The following MYO1B variants were observed in gnomAD, a reference collection of about 807,000 sequenced individuals.
MYO1B encodes unconventional myosin-Ib.
In MYO1B, 72 loss-of-function variants were observed where a neutral mutation model predicts 159.7. The observed-to-expected ratio is 0.45, with a 90% confidence interval of 0.37 to 0.55. MYO1B has a LOEUF of 0.55. Among genes scored for constraint, MYO1B ranks in the 20% least tolerant of loss-of-function variants. MYO1B has a pLI of 0.00. For missense variants in MYO1B, 1,062 were observed against 1,364.8 expected (o/e 0.78, Z 3.50); for synonymous variants, 468 against 473.8 (o/e 0.99, Z 0.16).
In MYO1B at chr2:191,393,137, T is replaced by TG; in HGVS notation, c.2141_2142insG (p.Ile714MetfsTer67). The stretch of plus-strand genomic sequence containing the variant: ...GACTTGGCCACTCTCATTCAGAAGA[T>TG]ATATCGGGGGTGGAAATGCCGCACA... On this transcript the variant is annotated frameshift_variant, in exon 20 of 31. Transcript: ENST00000392318. LOFTEE classifies it high-confidence loss of function. 1 of 1,614,060 alleles carries TG rather than the reference T, an allele frequency of 6.2e-7. No individual in the cohort carries two copies. The highest frequency in any genetic ancestry group is 1.3e-5 in the African/African-American group (1 of 75,016).
chr2:191,263,864 T>C (rs1686964655), intron 1 of MYO1B, among the ~76,000 whole-genome samples: 2 of 152,212 alleles, frequency 1.3e-5, no homozygotes, highest in Admixed American at 1.3e-4. Flanking sequence ...TCAAATTTAG[T>C]TAACATTTAT....
intron 3 of MYO1B, among the ~76,000 whole-genome samples, chr2:191,322,285 C>T (rs774655666): frequency 6.6e-6 from 1 of 152,160 alleles, no homozygotes; most frequent in Non-Finnish European, 1.5e-5. Context: ...TCCAGGCCCT[C>T]AAGACAGATG....
At chr2:191,350,274 ATATATT>A (rs1231418047) in intron 7 of MYO1B, 49 bp downstream of exon 7, 7 of 1,346,512 alleles carry the variant, frequency 5.2e-6, no homozygotes, top group South Asian at 1.2e-5. Context: ...ATACTAAAAC[ATATATT>A]TATAGTAGAA....
At chr2:191,413,527 A>C (rs533046843) in intron 27 of MYO1B, among the ~76,000 whole-genome samples, 6 of 152,292 alleles carry the variant, frequency 3.9e-5, no homozygotes, top group Non-Finnish European at 8.8e-5. Context: ...TTTTCTTCTA[A>C]AGTGATTGCC....
intron 7 of MYO1B, among the ~76,000 whole-genome samples, chr2:191,359,701 G>A (rs1693540555): frequency 6.6e-6 from 1 of 152,080 alleles, no homozygotes; most frequent in South Asian, 2.1e-4. Context: ...AAGCATTATC[G>A]TGATGTTTTA....
rs577245380 is a variant in MYO1B at position 191,288,209 on chromosome 2, TA to T, written c.136-7895del. On this transcript the variant is annotated intron_variant, in intron 2 of 30. Coordinates refer to ENST00000392318, the MANE Select transcript of MYO1B (RefSeq NM_001130158.3). ...GTTTGAGTCCCTGGCAAATTGTACT[TA>T]AAAAAATATATTTTGAAGAAGATAG... Among the ~76,000 whole-genome samples, 424 of 149,992 alleles carry T rather than the reference TA, an allele frequency of 2.8e-3. 1 individual carries two copies. Among genetic ancestry groups the T allele is most frequent in the African/African-American group, 1.0e-2 (406 of 40,766 alleles).
At position 191,408,141 on chromosome 2, in the gene MYO1B, C is replaced by T. The variant is rs1265086218; in HGVS notation, c.2583C>T (p.Phe861=). The change falls in exon 25 of 31, where the codon TTC becomes TTT. Residue 861 remains phenylalanine (F), a synonymous_variant. Transcript: ENST00000392318. ...LKVRREYRKF[F]RANAGKKIYE... ...TACGTAGAGAATACAGGAAATTCTT[C>T]AGAGCCAATGCTGGAAAGAAAATCT... 1.2e-6 allele frequency: 2 copies of T among 1,613,206 alleles called. No homozygotes were observed. The highest frequency in any genetic ancestry group is 1.3e-5 in the African/African-American group (1 of 75,012).
chr2:191,374,354 T>C (rs1694564039), intron 13 of MYO1B, among the ~76,000 whole-genome samples: 1 of 152,222 alleles, frequency 6.6e-6, no homozygotes, highest in African/African-American at 2.4e-5. Context: ...TCTGTTGTTC[T>C]TCAATTGACT....
chr2:191,383,511 CACGT>C (rs1486990969), intron 15 of MYO1B, among the ~76,000 whole-genome samples, 169 bp downstream of exon 15: 6 of 108,864 alleles, frequency 5.5e-5, no homozygotes, highest in African/African-American at 2.6e-4. Context: ...TATATATATA[CACGT>C]ACACACACAC....
At chr2:191,319,521 C>G (rs1690565758) in intron 3 of MYO1B, among the ~76,000 whole-genome samples, 1 of 152,106 alleles carries the variant, frequency 6.6e-6, no homozygotes, top group Non-Finnish European at 1.5e-5. Flanking sequence ...TACTTGTTTT[C>G]TATTTGAAAG....
chr2:191,266,152 TA>T (rs1303394294), intron 1 of MYO1B, among the ~76,000 whole-genome samples: 5 of 152,208 alleles, frequency 3.3e-5, no homozygotes, highest in African/African-American at 1.2e-4. Context: ...AAACCTCATG[TA>T]AGATCAACTG....
chr2:191,350,819 CA>C (rs60858164), intron 7 of MYO1B, among the ~76,000 whole-genome samples: 7 of 148,616 alleles, frequency 4.7e-5, no homozygotes, highest in African/African-American at 1.7e-4. Flanking sequence ...AAAAAAAAAA[CA>C]AAAAAAACAC....
chr2:191,283,888 A>G (rs1186181812), intron 2 of MYO1B, among the ~76,000 whole-genome samples: 3 of 152,258 alleles, frequency 2.0e-5, no homozygotes, highest in Non-Finnish European at 4.4e-5. Flanking sequence ...CAAATAATCA[A>G]AATGATAATC....
At chr2:191,336,074 A>G (rs1298906725) in intron 4 of MYO1B, among the ~76,000 whole-genome samples, 2 of 152,214 alleles carry the variant, frequency 1.3e-5, no homozygotes, top group Non-Finnish European at 2.9e-5. Flanking sequence ...GGGGGGCAGA[A>G]TATGAGGGAA....
At chr2:191,409,768 G>A (rs1391042892) in intron 26 of MYO1B, among the ~76,000 whole-genome samples, 1 of 152,234 alleles carries the variant, frequency 6.6e-6, no homozygotes, top group Non-Finnish European at 1.5e-5. Context: ...GACATGGCAT[G>A]TAATTTAGAT....
At chr2:191,344,691 G>T (rs923356585) in intron 5 of MYO1B, among the ~76,000 whole-genome samples, 2 of 151,170 alleles carry the variant, frequency 1.3e-5, no homozygotes, top group African/African-American at 4.9e-5. Context: ...TTAGCCGGGC[G>T]TAGTGGCGGG....
Position 191,393,234 on chromosome 2 carries a change from A to C in MYO1B, c.2226+12A>C, listed in dbSNP as rs746242483. ...ACAGGAGATATGCGGTAAGAGTCTC[A>C]GTCATTTTAAATCAGTAATAACAAT... On this transcript the variant is annotated intron_variant, in intron 20 of 30. Transcript: ENST00000392318. The C allele has an allele frequency of 6.2e-6, 10 of 1,613,194 alleles. No homozygotes were observed. Among genetic ancestry groups the C allele is most frequent in the Non-Finnish European group, 8.5e-6 (10 of 1,179,380 alleles).
chr2:191,313,948 C>T (rs1007727147), intron 3 of MYO1B, among the ~76,000 whole-genome samples: 1 of 152,238 alleles, frequency 6.6e-6, no homozygotes, highest in Non-Finnish European at 1.5e-5. Context: ...CTCTTGTGCC[C>T]GGGAAGGGAG....
chr2:191,363,775 C>A lies in MYO1B; in HGVS notation c.813C>A (p.Val271=). Residue 271 remains valine, a synonymous_variant, in exon 10 of 31, where the codon GTC becomes GTA. Transcript: ENST00000392318. Reference sequence around the variant, plus strand: ...TTATGGATCATGAAGCTGAGTCTGTCTTGGCGGTGGTGGCAGCAGTGTTGA... The same window carrying A: ...TTATGGATCATGAAGCTGAGTCTGTATTGGCGGTGGTGGCAGCAGTGTTGA... ...VGFMDHEAES[V]LAVVAAVLKL... is the part of the protein sequence containing the mutation. 6.2e-7 allele frequency: 1 copy of A among 1,613,522 alleles called. No homozygotes were observed. The highest frequency in any genetic ancestry group is 8.5e-7 in the Non-Finnish European group (1 of 1,179,888).
Sources: allele counts gnomAD v4.1 joint callset (sites outside exome capture counted in the v4.1 genomes callset), GRCh38; gene constraint gnomAD v4.1.1; transcripts MANE v1.5; gene names NCBI Gene and HGNC (gene_info 2026-07-23, HGNC 2026-07-21).